Variants in SLC9A7 observed in about 807,000 individuals in gnomAD.
SLC9A7 encodes the protein sodium/hydrogen exchanger 7.
A neutral mutation model predicts 52.6 loss-of-function variants in SLC9A7; 19 were observed. The ratio of observed to expected loss-of-function variants is 0.36; its 90% CI spans 0.25 to 0.53. The LOEUF is 0.53. SLC9A7 is among the 20% of genes least tolerant of loss of function. The probability of loss-of-function intolerance (pLI) is 0.91; values close to 1 mark genes in which losing one functional copy is unlikely to be tolerated. For missense variants in SLC9A7, 455 were observed against 597.9 expected (o/e 0.76, Z 2.49); for synonymous variants, 226 against 252.1 (o/e 0.90, Z 0.98).
At chrX:46,755,301 AGGAAAAAGAGGGAGAGAGCGAGTG>A (rs1244140549) in intron 1 of SLC9A7, among the ~76,000 whole-genome samples, 3 of 105,785 alleles carry the variant, frequency 2.8e-5, no homozygotes, top group South Asian at 4.8e-4. Context: ...AATAAAGGGA[AGGAAAAAGAGGGAGAGAGCGAGTG>A]GGAAAGAGAG....
intron 11 of SLC9A7, chrX:46,646,710 C>A: frequency 6.9e-6 from 2 of 290,743 alleles, no homozygotes; most frequent in Non-Finnish European, 1.4e-5. Flanking sequence ...AATTCATAGA[C>A]AACGAGAATA....
intron 4 of SLC9A7, among the ~76,000 whole-genome samples, chrX:46,671,107 TA>T (rs1178340776): frequency 8.9e-6 from 1 of 112,206 alleles, no homozygotes; most frequent in Non-Finnish European, 1.9e-5. Flanking sequence ...AGCTAATTGT[TA>T]AAAAATTAAT....
chrX:46,661,138 T>C (rs1449410575), intron 7 of SLC9A7, among the ~76,000 whole-genome samples: 18 of 106,940 alleles, frequency 1.7e-4, no homozygotes, highest in African/African-American at 5.2e-4. Flanking sequence ...AACCAAACGC[T>C]GCATATTCTC....
At chrX:46,714,343 C>T (rs1396354220) in intron 1 of SLC9A7, among the ~76,000 whole-genome samples, 2 of 111,569 alleles carry the variant, frequency 1.8e-5, no homozygotes, top group Non-Finnish European at 3.8e-5. Context: ...CCTGATGTCT[C>T]CCAGATGACA....
chrX:46,734,510 T>A (rs939071558), intron 1 of SLC9A7, among the ~76,000 whole-genome samples: 1 of 112,112 alleles, frequency 8.9e-6, no homozygotes, highest in Non-Finnish European at 1.9e-5. Context: ...TTTGTTTTTC[T>A]GGGAATGTCA....
At chrX:46,643,883 T>C (rs1943445589) in intron 11 of SLC9A7, among the ~76,000 whole-genome samples, 1 of 111,929 alleles carries the variant, frequency 8.9e-6, no homozygotes, top group Non-Finnish European at 1.9e-5. Flanking sequence ...GTCAACTCTT[T>C]CTGTAACCGG....
In SLC9A7 at chrX:46,669,671, G is replaced by C. The variant is rs772124690; in HGVS notation, c.729C>G (p.Leu243=). The change falls in exon 5 of 17, where the codon CTC becomes CTG. Residue 243 remains leucine, a synonymous_variant. Coordinates refer to ENST00000616978, the MANE Select transcript of SLC9A7 (RefSeq NM_001257291.2). Reference sequence around the variant, plus strand: ...AATCTGTGTAGTAAAATTTATCTGAGAGCTGTCCCATAATCTTCATGAGCT... The same window carrying C: ...AATCTGTGTAGTAAAATTTATCTGACAGCTGTCCCATAATCTTCATGAGCT... ...VVKLMKIMGQ[L]SDKFYYTDCL... 7 of 1,191,593 alleles carry C rather than the reference G, an allele frequency of 5.9e-6. No homozygotes were observed. The Admixed American group carries it at 1.6e-4, about 27-fold the overall frequency.
At chrX:46,631,347 C>G (rs1943218545) in intron 14 of SLC9A7, among the ~76,000 whole-genome samples, 1 of 112,025 alleles carries the variant, frequency 8.9e-6, no homozygotes, top group Non-Finnish European at 1.9e-5. Flanking sequence ...TCTGGCGAGC[C>G]CACACCCTTC....
At chrX:46,666,522 A>G (rs938186568) in intron 5 of SLC9A7, among the ~76,000 whole-genome samples, 3 of 112,335 alleles carry the variant, frequency 2.7e-5, no homozygotes, top group Non-Finnish European at 3.8e-5. Flanking sequence ...AAAGCAGTTA[A>G]AGTTAATGTC....
intron 6 of SLC9A7, 54 bp from the exon 7 acceptor site, chrX:46,662,211 T>C (rs1322424462): frequency 5.5e-6 from 6 of 1,087,703 alleles, no homozygotes; most frequent in African/African-American, 1.9e-5. Context: ...TTTTACACTA[T>C]GGTACTTGAA....
At chrX:46,616,319 A>G (rs1470032500) in intron 15 of SLC9A7, among the ~76,000 whole-genome samples, 2 of 107,400 alleles carry the variant, frequency 1.9e-5, no homozygotes, top group African/African-American at 6.7e-5. Context: ...TGTCTCAAAA[A>G]AAAAAAAAAC....
intron 11 of SLC9A7, among the ~76,000 whole-genome samples, chrX:46,645,886 T>C (rs1943483736): frequency 9.0e-6 from 1 of 111,064 alleles, no homozygotes; most frequent in Admixed American, 9.5e-5. Flanking sequence ...GCCATATTGG[T>C]ATAAGGAATG....
intron 12 of SLC9A7, among the ~76,000 whole-genome samples, chrX:46,639,523 C>T (rs945526326): frequency 1.1e-4 from 12 of 109,781 alleles, no homozygotes; most frequent in South Asian, 3.9e-4. Context: ...CCTTGTGATC[C>T]GCCCACCTCA....
rs766559447 is a variant in SLC9A7 at position 46,628,384 on chromosome X, GTTTTGTT to G, written c.1740+3195_1740+3201del. ...GACCTCCAGAGAAACAAAGCACTGA[GTTTTGTT>G]TTTTGTTTTTTGTTTTTTTTGTCTT... is the stretch of plus-strand genomic sequence containing the variant. On this transcript the variant is annotated intron_variant, in intron 14 of 16. Transcript: ENST00000616978. Among the ~76,000 whole-genome samples, 14 of 112,464 alleles carry G rather than the reference GTTTTGTT, an allele frequency of 1.2e-4. No homozygotes were observed. In the South Asian group the frequency reaches 3.7e-3, roughly 30 times the overall value.
chrX:46,739,187 ATT>A (rs1459928738), intron 1 of SLC9A7, among the ~76,000 whole-genome samples: 3 of 111,731 alleles, frequency 2.7e-5, no homozygotes, highest in Middle Eastern at 4.6e-3. Flanking sequence ...TCAGGCATAT[ATT>A]ACCACAGCAG....
At chrX:46,612,007 T>C (rs1043329738) in intron 16 of SLC9A7, among the ~76,000 whole-genome samples, 1 of 111,849 alleles carries the variant, frequency 8.9e-6, no homozygotes, top group Non-Finnish European at 1.9e-5. Context: ...AGGCTTTGTG[T>C]TCTGCCTTCT....
At chrX:46,617,234 C>A (rs1276762413) in intron 15 of SLC9A7, among the ~76,000 whole-genome samples, 1 of 111,499 alleles carries the variant, frequency 9.0e-6, no homozygotes, top group Non-Finnish European at 1.9e-5. Context: ...ATTTCAGAAA[C>A]CTTGTTTTTA....
At chrX:46,740,853 T>A (rs889310167) in intron 1 of SLC9A7, among the ~76,000 whole-genome samples, 3 of 101,236 alleles carry the variant, frequency 3.0e-5, no homozygotes, top group Non-Finnish European at 6.0e-5. Flanking sequence ...AAGAAGGAAA[T>A]AAAACTGTCC....
intron 2 of SLC9A7, among the ~76,000 whole-genome samples, chrX:46,680,619 G>C (rs1002197617): frequency 8.1e-5 from 9 of 111,523 alleles, no homozygotes; most frequent in Non-Finnish European, 1.5e-4. Context: ...TTGTAGGTTT[G>C]ATACAGGGAA....
Sources: gnomAD v4.1 joint callset for allele counts (sites outside exome capture counted in the v4.1 genomes callset) on GRCh38, gnomAD v4.1.1 for gene constraint, MANE v1.5 for transcripts, NCBI Gene and HGNC (gene_info 2026-07-23, HGNC 2026-07-21) for gene names.